The following ZNF83 variants were observed in gnomAD, a reference collection of about 807,000 sequenced individuals.
The protein encoded by ZNF83 is zinc finger protein 83, also known as zinc finger protein 816B.
For missense variants in ZNF83, 552 were observed against 629.9 expected (o/e 0.88, Z 1.32); for synonymous variants, 209 against 213.0 (o/e 0.98, Z 0.17).
At chr19:52,630,166 C>G (rs1015239069) in intron 2 of ZNF83, among the ~76,000 whole-genome samples, 9 of 152,228 alleles carry the variant, frequency 5.9e-5, no homozygotes, top group African/African-American at 2.2e-4. Context: ...CACTTGGCAA[C>G]CACTCCCAGA....
At chr19:52,647,095 C>T (rs903153383) in intron 3 of ZNF83, among the ~76,000 whole-genome samples, 1 of 152,212 alleles carries the variant, frequency 6.6e-6, no homozygotes, top group South Asian at 2.1e-4. Context: ...TCATTTCCCA[C>T]ATTATGTAAT....
In ZNF83 at chr19:52,618,901, G is replaced by T. The variant is rs1259173570; in HGVS notation, c.-233-4104C>A. The T allele has an allele frequency of 9.7e-6, 15 of 1,542,642 alleles. 1 individual carries two copies. Among genetic ancestry groups the T allele is most frequent in the Non-Finnish European group, 1.3e-5 (15 of 1,128,160 alleles). On this transcript the variant is annotated intron_variant, in intron 2 of 2. Coordinates refer to ENST00000301096, the Ensembl canonical transcript of ZNF83. ...AGAGAAAATGCAAAGATACACAAGG[G>T]AACATCCCCACTTCTGGAGGGAAGT...
intron 2 of ZNF83, among the ~76,000 whole-genome samples, chr19:52,624,752 G>A (rs983137682): frequency 2.0e-5 from 3 of 152,114 alleles, no homozygotes; most frequent in East Asian, 1.9e-4. Context: ...TGATGTCTCC[G>A]TGCAGCTACC....
chr19:52,625,333 C>T (rs1483736364), intron 2 of ZNF83, among the ~76,000 whole-genome samples: 3 of 152,126 alleles, frequency 2.0e-5, no homozygotes, highest in African/African-American at 7.2e-5. Context: ...AGGTTTCCCC[C>T]CTATGCAAGT....
At chr19:52,635,145 A>G in exon 2 of ZNF83, 2 of 652,064 alleles carry the variant, frequency 3.1e-6, no homozygotes, top group Admixed American at 2.3e-5. Flanking sequence ...GAGTCCTTAG[A>G]AGTCAATCCT....
At chr19:52,628,265 A>G (rs893807309) in intron 2 of ZNF83, among the ~76,000 whole-genome samples, 5 of 152,108 alleles carry the variant, frequency 3.3e-5, no homozygotes, top group African/African-American at 9.7e-5. Context: ...TCTTTGCTCC[A>G]TGAGGAAGAT....
At chr19:52,685,897 C>CAAAAAAAAAAAAAAAAAAAAAAAAA (rs3055370) in intron 1 of ZNF83, among the ~76,000 whole-genome samples, 1 of 132,442 alleles carries the variant, frequency 7.6e-6, no homozygotes, top group Admixed American at 8.4e-5. Context: ...GTAACTGTCA[C>CAAAAAAAAAAAAAAAAAAAAAAAAA]AAAAAAAAAA....
rs148102252 is a variant in ZNF83, at chr19:52,662,350, G to A, written c.-282-1507C>T. Among the ~76,000 whole-genome samples the A allele has an allele frequency of 2.6e-3, 400 of 152,258 alleles. 3 individuals are homozygous for A. Among genetic ancestry groups the A allele is most frequent in the Non-Finnish European group, 4.0e-3 (272 of 68,024 alleles). Reference sequence around the variant, plus strand: ...CCTATGGAAATGTGCATTTGGAGACGCCTGTTTAATATCCCAGCAGAGAGC... The same window carrying A: ...CCTATGGAAATGTGCATTTGGAGACACCTGTTTAATATCCCAGCAGAGAGC... On this transcript the variant is annotated intron_variant, in intron 1 of 5. Transcript: ENST00000594682.
At chr19:52,684,085 T>C (rs1296681560) in intron 1 of ZNF83, among the ~76,000 whole-genome samples, 2 of 151,948 alleles carry the variant, frequency 1.3e-5, no homozygotes, top group African/African-American at 4.8e-5. Context: ...AATACAAAAA[T>C]TGAGCTGGGT....
At chr19:52,637,247 C>T (rs537747366) in intron 1 of ZNF83, among the ~76,000 whole-genome samples, 1 of 152,280 alleles carries the variant, frequency 6.6e-6, no homozygotes, top group African/African-American at 2.4e-5. Context: ...TGTGCATCCT[C>T]TGCTCTCCCT....
intron 2 of ZNF83, among the ~76,000 whole-genome samples, chr19:52,633,489 G>C (rs2061042742): frequency 6.6e-6 from 1 of 152,118 alleles, no homozygotes; most frequent in Admixed American, 6.5e-5. Flanking sequence ...TGATAACCTG[G>C]CACAGAACTG....
intron 1 of ZNF83, among the ~76,000 whole-genome samples, chr19:52,682,654 C>A (rs563241376): frequency 1.3e-5 from 2 of 151,404 alleles, no homozygotes; most frequent in Non-Finnish European, 2.9e-5. Flanking sequence ...GGCAACAAAG[C>A]GAGACTCCAT....
intron 2 of ZNF83, among the ~76,000 whole-genome samples, chr19:52,625,969 AG>A (rs1325875730): frequency 6.6e-6 from 1 of 152,256 alleles, no homozygotes; most frequent in Non-Finnish European, 1.5e-5. Flanking sequence ...GCCTTGCAAA[AG>A]GCCTCTTCTT....
chr19:52,647,958 G>T (rs534661106), intron 3 of ZNF83, among the ~76,000 whole-genome samples: 1 of 150,306 alleles, frequency 6.7e-6, no homozygotes, highest in African/African-American at 2.5e-5. Flanking sequence ...CCCTGCTGTT[G>T]TTCTTCCTCT....
Position 52,663,198 on chromosome 19 carries a change from A to G in ZNF83, c.-282-2355T>C, listed in dbSNP as rs7247624. ...AAAAAAAATTCCAGGACCATCTGTT[A>G]TATACCTGAGCAAAAGAAATGTCTC... On this transcript the variant is annotated intron_variant, in intron 1 of 5. Transcript: ENST00000594682. Among the ~76,000 whole-genome samples, 919 of 152,228 alleles carry G rather than the reference A, an allele frequency of 6.0e-3. 4 individuals are homozygous for G. The highest frequency in any genetic ancestry group is 0.021 in the African/African-American group (874 of 41,526).
chr19:52,652,030 C>A, intron 3 of ZNF83: 1 of 211,938 alleles, frequency 4.7e-6, no homozygotes, highest in South Asian at 8.4e-5. Flanking sequence ...AATGAATTTT[C>A]TACTGTTCTG....
At chr19:52,643,045 T>G (rs930703327), upstream of ZNF83, among the ~76,000 whole-genome samples, 1 of 152,048 alleles carries the variant, frequency 6.6e-6, no homozygotes, top group Non-Finnish European at 1.5e-5. Flanking sequence ...TCCCAGCTAC[T>G]GGGGAGACTG....
chr19:52,659,428 A>G (rs940712245), intron 2 of ZNF83, among the ~76,000 whole-genome samples: 2 of 152,208 alleles, frequency 1.3e-5, no homozygotes, highest in Admixed American at 6.5e-5. Context: ...GAAACGGTAT[A>G]TAAAAATGTT....
At chr19:52,666,232 G>A (rs2061650992) in intron 1 of ZNF83, among the ~76,000 whole-genome samples, 1 of 151,338 alleles carries the variant, frequency 6.6e-6, no homozygotes, top group Admixed American at 6.6e-5. Context: ...AGACAAAAAG[G>A]GAGTCAAAGA....
Sources: allele counts gnomAD v4.1 joint callset (sites outside exome capture counted in the v4.1 genomes callset), GRCh38; gene constraint gnomAD v4.1.1; transcripts MANE v1.5; gene names NCBI Gene and HGNC (gene_info 2026-07-23, HGNC 2026-07-21).